The following SYNJ2 variants were observed in gnomAD, a reference collection of about 807,000 sequenced individuals.
The protein encoded by SYNJ2 is synaptojanin 2.
A neutral mutation model predicts 141.3 loss-of-function variants in SYNJ2; 116 were observed. That is an observed-to-expected ratio of 0.82 (90% CI 0.71 to 0.96). The LOEUF (loss-of-function observed/expected upper bound fraction) is 0.96. Ranked by LOEUF, SYNJ2 falls within the 40% of genes least tolerant of loss-of-function variation. SYNJ2 has a pLI of 0.00. For synonymous variants in SYNJ2, 745 were observed against 777.7 expected (o/e 0.96, Z 0.70); for missense variants, 1,873 against 1,934.8 (o/e 0.97, Z 0.60).
intron 5 of SYNJ2, among the ~76,000 whole-genome samples, chr6:158,052,804 G>A (rs533017458): frequency 2.6e-5 from 4 of 152,286 alleles, no homozygotes; most frequent in African/African-American, 9.6e-5. Flanking sequence ...TTACTTAAGT[G>A]CAAAATATAC....
At chr6:158,080,630 A>T (rs890001798) in intron 18 of SYNJ2, among the ~76,000 whole-genome samples, 1 of 152,058 alleles carries the variant, frequency 6.6e-6, no homozygotes, top group Non-Finnish European at 1.5e-5. Flanking sequence ...CTAGGTGAAA[A>T]GAGATGAACA....
intron 16 of SYNJ2, among the ~76,000 whole-genome samples, chr6:158,075,336 A>G (rs1433116933): frequency 6.6e-6 from 1 of 152,046 alleles, no homozygotes; most frequent in Non-Finnish European, 1.5e-5. Context: ...GCTGTGGAGA[A>G]AGAAGCTGGT....
In SYNJ2 at chr6:158,064,872, A is replaced by C; in HGVS notation, c.1406A>C (p.Gln469Pro). 6.2e-7 allele frequency: 1 copy of C among 1,613,350 alleles called. No homozygotes were observed. The highest frequency in any genetic ancestry group is 8.5e-7 in the Non-Finnish European group (1 of 1,179,580). The change falls in exon 11 of 27, where the codon CAG becomes CCG. Residue 469 changes from glutamine (Q) to proline (P), a missense_variant. Physicochemically the swap from Gln to Pro is moderately conservative, Grantham distance 76. Transcript: ENST00000355585. ...GCCCGGTCCATGTCTCGAACCATCCAGTCCAACTTCTTCGACGGGGTGAAG... is the reference window on the plus strand; with the variant it reads ...GCCCGGTCCATGTCTCGAACCATCCCGTCCAACTTCTTCGACGGGGTGAAG... Reference protein sequence around the residue: ...DGARSMSRTIQSNFFDGVKQE... With the variant: ...DGARSMSRTIPSNFFDGVKQE...
rs1424315087 is a variant in SYNJ2 at position 158,098,947 on chromosome 6, CGTT to C, written c.*2588_*2590del. 1 of 152,168 alleles carries C rather than the reference CGTT, an allele frequency of 6.6e-6. No homozygotes were observed. The highest frequency in any genetic ancestry group is 6.5e-5 in the Admixed American group (1 of 15,288). 9.4% of individuals were successfully genotyped at this position (152,168 alleles called of 1,614,324 possible). On this transcript the variant is annotated 3_prime_UTR_variant, in exon 27 of 27. Transcript: ENST00000355585. ...TTAAGCAATTCCTGTAACGGTTTAA[CGTT>C]GTTGAAGTTCAAGGCACATAATAAA...
chr6:158,033,315 C>G (rs1206495487), intron 3 of SYNJ2, 140 bp from the exon 4 acceptor site: 5 of 820,282 alleles, frequency 6.1e-6, no homozygotes, highest in Non-Finnish European at 7.7e-6. Context: ...AGTGCAGAGT[C>G]CACTGGGGAG....
In SYNJ2 at chr6:158,071,390, G is replaced by A. The variant is rs1781912863; in HGVS notation, c.1941-212G>A. Reference sequence around the variant, plus strand: ...GTGAGCACTTCCCAGTTGGGGTGTGGGGGAGATGTCCAGGCAGCGGTGGGC... The same window carrying A: ...GTGAGCACTTCCCAGTTGGGGTGTGAGGGAGATGTCCAGGCAGCGGTGGGC... On this transcript the variant is annotated intron_variant, in intron 14 of 26. Coordinates refer to ENST00000355585, the MANE Select transcript of SYNJ2 (RefSeq NM_003898.4). The surrounding 1 kb of genome is among the most constrained non-coding windows in gnomAD (Gnocchi z 4.3). 6.6e-6 allele frequency among the ~76,000 whole-genome samples: 1 copy of A among 152,074 alleles called. No individual in the cohort carries two copies. Among genetic ancestry groups the A allele is most frequent in the South Asian group, 2.1e-4 (1 of 4,818 alleles).
In SYNJ2 at chr6:158,063,802, G is replaced by A. The variant is rs1326704235; in HGVS notation, c.1139G>A (p.Gly380Asp). 3 of 1,612,530 alleles carry A rather than the reference G, an allele frequency of 1.9e-6. No homozygotes were observed. Among genetic ancestry groups the A allele is most frequent in the South Asian group, 2.2e-5 (2 of 91,040 alleles). The change falls in exon 9 of 27, where the codon GGC becomes GAC. Residue 380 changes from glycine to aspartate, a missense_variant. Coordinates refer to ENST00000355585, the MANE Select transcript of SYNJ2 (RefSeq NM_003898.4). Reference sequence around the variant, plus strand: ...CTTCTTGTCCTAAGTTTTCAGAAAGGCACTTTGCGGATGAACTGTCTTGAC... The same window carrying A: ...CTTCTTGTCCTAAGTTTTCAGAAAGACACTTTGCGGATGAACTGTCTTGAC... ...GENVSPRFQK[G>D]TLRMNCLDCL...
intron 2 of SYNJ2, among the ~76,000 whole-genome samples, chr6:158,025,234 A>T (rs1471867776): frequency 6.6e-6 from 1 of 152,192 alleles, no homozygotes; most frequent in Non-Finnish European, 1.5e-5. Context: ...AACCCCATTC[A>T]TGAGGGCTCC....
chr6:158,034,205 T>C (rs1583365029), intron 4 of SYNJ2, among the ~76,000 whole-genome samples: 1 of 152,366 alleles, frequency 6.6e-6, no homozygotes, highest in African/African-American at 2.4e-5. Flanking sequence ...TCTGCTTAAT[T>C]TCTCCTGGAG....
intron 26 of SYNJ2, among the ~76,000 whole-genome samples, chr6:158,093,444 A>AC (rs1318088170): frequency 2.3e-4 from 35 of 149,856 alleles, no homozygotes; most frequent in Middle Eastern, 6.8e-3. Flanking sequence ...TCAAAAAAAA[A>AC]AAAAACAAAA....
intron 12 of SYNJ2, chr6:158,068,040 A>G (rs1055032396): frequency 3.1e-6 from 3 of 960,990 alleles, no homozygotes; most frequent in Non-Finnish European, 3.7e-6. Context: ...CAGGCTCCCC[A>G]GCAGTCCCAC....
chr6:158,095,767 A>G lies in SYNJ2; in HGVS notation c.3894A>G (p.Ala1298=), dbSNP rs1783760537. The G allele has an allele frequency of 6.2e-7, 1 of 1,614,028 alleles. No individual in the cohort carries two copies. The highest frequency in any genetic ancestry group is 1.3e-5 in the African/African-American group (1 of 74,916). Residue 1298 remains alanine, a synonymous_variant, in exon 27 of 27, where the codon GCA becomes GCG. Transcript: ENST00000355585. The stretch of plus-strand genomic sequence containing the variant: ...GAACATTTCAGCCTGGGAAAGCTGC[A>G]GAGAGGCCAAGCCACAGGAAGCCAG... ...KPRTFQPGKA[A]ERPSHRKPAS... is the part of the protein sequence containing the mutation.
chr6:158,005,388 T>C (rs1271322443), intron 1 of SYNJ2, among the ~76,000 whole-genome samples: 1 of 152,150 alleles, frequency 6.6e-6, no homozygotes, highest in African/African-American at 2.4e-5. Context: ...CCAGTGATCT[T>C]TGACCCCACT....
At chr6:158,044,639 T>TA (rs1780139818) in intron 5 of SYNJ2, among the ~76,000 whole-genome samples, 1 of 152,216 alleles carries the variant, frequency 6.6e-6, no homozygotes, top group Non-Finnish European at 1.5e-5. Flanking sequence ...CACACCCATT[T>TA]AAAGCCTACA....
In SYNJ2 at chr6:158,096,327, C is replaced by T; in HGVS notation, c.4454C>T (p.Thr1485Ile). ...ACAATCAGTGACCAAGAAAAGAGGA[C>T]AGCACTGCAGGTGTTTGACCCACTG... is the stretch of plus-strand genomic sequence containing the variant. ...WVTISDQEKR[T>I]ALQVFDPLAK... The change falls in exon 27 of 27, where the codon ACA becomes ATA. Residue 1485 changes from threonine (T) to isoleucine (I), a missense_variant. Physicochemically the swap from Thr to Ile is moderately conservative, Grantham distance 89 (BLOSUM62 -1). Coordinates refer to ENST00000355585, the MANE Select transcript of SYNJ2 (RefSeq NM_003898.4). 1 of 1,612,614 alleles carries T rather than the reference C, an allele frequency of 6.2e-7. No homozygotes were observed. The highest frequency in any genetic ancestry group is 1.7e-4 in the Middle Eastern group (1 of 6,056).
At chr6:158,050,185 A>G (rs1461767913) in intron 5 of SYNJ2, among the ~76,000 whole-genome samples, 1 of 152,230 alleles carries the variant, frequency 6.6e-6, no homozygotes, top group Non-Finnish European at 1.5e-5. Context: ...GTCCAGAAAT[A>G]AGTCAAAACC....
chr6:158,060,583 G>A (rs774947509), intron 7 of SYNJ2, among the ~76,000 whole-genome samples: 7 of 152,184 alleles, frequency 4.6e-5, no homozygotes, highest in Non-Finnish European at 8.8e-5. Context: ...CTTCCTGGTT[G>A]CCAATTTTAT....
intron 12 of SYNJ2, among the ~76,000 whole-genome samples, chr6:158,068,330 G>A (rs1055080283): frequency 6.6e-6 from 1 of 152,106 alleles, no homozygotes; most frequent in Non-Finnish European, 1.5e-5. Flanking sequence ...TGGGCTTGGT[G>A]GCTCAGGAGC....
intron 1 of SYNJ2, among the ~76,000 whole-genome samples, chr6:157,995,182 G>A (rs551964390): frequency 2.6e-5 from 4 of 152,288 alleles, no homozygotes; most frequent in South Asian, 4.2e-4. Context: ...ATATGACTGC[G>A]TATGAATAGC....
Sources: allele counts gnomAD v4.1 joint callset (sites outside exome capture counted in the v4.1 genomes callset), GRCh38; gene constraint gnomAD v4.1.1; non-coding constraint Gnocchi (gnomAD v3.1); transcripts MANE v1.5; gene names NCBI Gene and HGNC (gene_info 2026-07-23, HGNC 2026-07-21).